PDE7B: variants seen among roughly 807,000 people sequenced by gnomAD.
PDE7B encodes the protein 3',5'-cyclic-AMP phosphodiesterase 7B.
PDE7B carries 29 observed loss-of-function variants against 56.2 expected under a neutral mutation model. That is an observed-to-expected ratio of 0.52 (90% CI 0.38 to 0.70). The LOEUF is 0.70. Ranked by LOEUF, PDE7B falls within the 30% of genes least tolerant of loss-of-function variation. The probability of loss-of-function intolerance (pLI) is 0.00; values close to 1 mark genes in which losing one functional copy is unlikely to be tolerated. For missense variants in PDE7B, 490 were observed against 565.0 expected (o/e 0.87, Z 1.35); for synonymous variants, 197 against 196.9 (o/e 1.00, Z 0.00).
At chr6:136,086,160 T>C (rs1247262833) in intron 2 of PDE7B, among the ~76,000 whole-genome samples, 2 of 152,212 alleles carry the variant, frequency 1.3e-5, no homozygotes, top group African/African-American at 4.8e-5. Context: ...TTCTGTTTTC[T>C]GTAGTTGGAT....
chr6:136,016,913 T>C (rs1225638688), intron 2 of PDE7B, among the ~76,000 whole-genome samples: 1 of 152,258 alleles, frequency 6.6e-6, no homozygotes, highest in Non-Finnish European at 1.5e-5. Context: ...GTTAACCAGC[T>C]TGGTTATCTG....
At chr6:136,101,285 A>T (rs891657697) in intron 2 of PDE7B, among the ~76,000 whole-genome samples, 2 of 152,172 alleles carry the variant, frequency 1.3e-5, no homozygotes, top group Non-Finnish European at 2.9e-5. Flanking sequence ...TCATAAAATG[A>T]GTTAGAGAGC....
intron 3 of PDE7B, among the ~76,000 whole-genome samples, chr6:136,131,549 C>T (rs1040405822): frequency 1.4e-5 from 2 of 145,342 alleles, no homozygotes; most frequent in African/African-American, 5.1e-5. Context: ...GTAACTCCCA[C>T]TCTTTCCCTT....
At chr6:135,981,315 G>A (rs1444120894) in intron 2 of PDE7B, among the ~76,000 whole-genome samples, 1 of 149,490 alleles carries the variant, frequency 6.7e-6, no homozygotes, top group Non-Finnish European at 1.5e-5. Context: ...GGATAGCACT[G>A]GGAGATATAC....
intron 8 of PDE7B, 60 bp downstream of exon 8, chr6:136,155,818 C>T: frequency 2.6e-6 from 4 of 1,559,262 alleles, no homozygotes; most frequent in Non-Finnish European, 3.5e-6. Flanking sequence ...GCCCGGTGCT[C>T]AAGCCTGAAT....
chr6:136,132,988 G>C (rs951653149), intron 3 of PDE7B, among the ~76,000 whole-genome samples: 11 of 151,986 alleles, frequency 7.2e-5, no homozygotes, highest in Admixed American at 6.6e-5. Flanking sequence ...AGTTCTCTGA[G>C]GAACTAAGGA....
At chr6:135,988,696 A>G (rs1041938818) in intron 2 of PDE7B, among the ~76,000 whole-genome samples, 1 of 152,216 alleles carries the variant, frequency 6.6e-6, no homozygotes, top group African/African-American at 2.4e-5. Flanking sequence ...TCAAGTGGGT[A>G]AAAGGAATTA....
At chr6:136,090,872 C>CT (rs1461611228) in intron 2 of PDE7B, among the ~76,000 whole-genome samples, 1 of 152,170 alleles carries the variant, frequency 6.6e-6, no homozygotes, top group East Asian at 1.9e-4. Context: ...AGTTCATACT[C>CT]TATCAATCAC....
chr6:135,932,197 A>G (rs1415113484), intron 1 of PDE7B, among the ~76,000 whole-genome samples: 1 of 152,182 alleles, frequency 6.6e-6, no homozygotes. Context: ...TTGCCATTTC[A>G]GATATAAAAA....
intron 1 of PDE7B, among the ~76,000 whole-genome samples, chr6:135,921,804 A>G (rs1774086673): frequency 6.6e-6 from 1 of 152,216 alleles, no homozygotes; most frequent in East Asian, 1.9e-4. Context: ...AATTAATACA[A>G]TCAGAGTCTC....
chr6:135,929,306 A>G, intron 1 of PDE7B, among the ~76,000 whole-genome samples: 1 of 152,142 alleles, frequency 6.6e-6, no homozygotes, highest in Non-Finnish European at 1.5e-5. Flanking sequence ...AGCGTACGGG[A>G]CATGCAAAAT....
intron 2 of PDE7B, among the ~76,000 whole-genome samples, chr6:136,054,336 G>C (rs547039948): frequency 1.1e-3 from 172 of 152,162 alleles, no homozygotes; most frequent in Non-Finnish European, 1.6e-3. Flanking sequence ...TCTTGTTTTT[G>C]TCAGGTTTGT....
At chr6:135,951,528 C>T (rs1250881744) in intron 2 of PDE7B, among the ~76,000 whole-genome samples, 9 of 152,120 alleles carry the variant, frequency 5.9e-5, no homozygotes. Context: ...CTTCTCAGTT[C>T]ATTTGTGAAC....
chr6:136,190,599 G>A (rs1310568503), intron 12 of PDE7B, among the ~76,000 whole-genome samples: 3 of 152,170 alleles, frequency 2.0e-5, no homozygotes, highest in Non-Finnish European at 4.4e-5. Context: ...GTCCAAGTTT[G>A]TGATGATTCC....
chr6:136,153,656 T>A (rs9494457), intron 6 of PDE7B, among the ~76,000 whole-genome samples: 59,384 of 152,036 alleles, frequency 0.39, 11,570 homozygotes, highest in Admixed American at 0.44. Context: ...ATCAGTATTC[T>A]GATGCTACTT....
chr6:136,189,448 G>T (rs942263025), intron 12 of PDE7B, among the ~76,000 whole-genome samples: 1 of 152,172 alleles, frequency 6.6e-6, no homozygotes, highest in African/African-American at 2.4e-5. Context: ...GCATGTGCCT[G>T]TAGTCCCAGC....
chr6:135,918,857 C>A (rs916023137), intron 1 of PDE7B, among the ~76,000 whole-genome samples: 2 of 152,102 alleles, frequency 1.3e-5, no homozygotes, highest in African/African-American at 4.8e-5. Context: ...TTATAATGAA[C>A]AAAGTGTTTC....
intron 11 of PDE7B, among the ~76,000 whole-genome samples, chr6:136,182,767 GT>G (rs1300212303): frequency 2.0e-5 from 3 of 152,134 alleles, no homozygotes; most frequent in Non-Finnish European, 4.4e-5. Context: ...ACCAAGAAAT[GT>G]AACCTATAAG....
chr6:136,108,918 T>G (rs1418960566), intron 3 of PDE7B, 104 bp downstream of exon 3: 1 of 767,490 alleles, frequency 1.3e-6, no homozygotes, highest in African/African-American at 1.7e-5. Flanking sequence ...GGGTCTGCCT[T>G]CCTTCCTGAA....
Sources: gnomAD v4.1 joint callset for allele counts (sites outside exome capture counted in the v4.1 genomes callset) on GRCh38, gnomAD v4.1.1 for gene constraint, MANE v1.5 for transcripts, NCBI Gene and HGNC (gene_info 2026-07-23, HGNC 2026-07-21) for gene names.